PTPRQ: variants seen among roughly 807,000 people sequenced by gnomAD.
PTPRQ encodes the protein protein tyrosine phosphatase receptor type Q.
In PTPRQ, 199 loss-of-function variants were observed where a neutral mutation model predicts 246.0. The ratio of observed to expected loss-of-function variants is 0.81; its 90% CI spans 0.72 to 0.91. PTPRQ has a LOEUF of 0.91. PTPRQ is among the 40% of genes least tolerant of loss of function. The probability of loss-of-function intolerance (pLI) is 0.00; values close to 1 mark genes in which losing one functional copy is unlikely to be tolerated. For missense variants in PTPRQ, 2,624 were observed against 2,528.4 expected, an observed-to-expected ratio of 1.04 and a Z score of -0.81; for synonymous variants, 869 against 853.2, an observed-to-expected ratio of 1.02 and a Z score of -0.32.
chr12:80,549,028 C>G (rs570930614), intron 24 of PTPRQ, among the ~76,000 whole-genome samples: 1 of 152,112 alleles, frequency 6.6e-6, no homozygotes, highest in African/African-American at 2.4e-5. Context: ...TTAGGGGTTT[C>G]CAAGTACTGT....
intron 31 of PTPRQ, among the ~76,000 whole-genome samples, 176 bp downstream of exon 31, chr12:80,619,718 T>C (rs1287368519): frequency 6.6e-6 from 1 of 151,584 alleles, no homozygotes; most frequent in African/African-American, 2.4e-5. Flanking sequence ...AAATAAATTA[T>C]TTATTTATTT....
chr12:80,590,333 C>G (rs1897752125), intron 26 of PTPRQ, among the ~76,000 whole-genome samples: 1 of 152,068 alleles, frequency 6.6e-6, no homozygotes. Flanking sequence ...CCAGACTGGT[C>G]TTTTTCAACC....
intron 26 of PTPRQ, among the ~76,000 whole-genome samples, chr12:80,591,746 A>G (rs1228746443): frequency 6.6e-6 from 1 of 152,190 alleles, no homozygotes; most frequent in Non-Finnish European, 1.5e-5. Context: ...TCAGTAGCCT[A>G]GATCTGGCTT....
At chr12:80,661,957 C>G (rs765554759) in intron 39 of PTPRQ, among the ~76,000 whole-genome samples, 1 of 151,830 alleles carries the variant, frequency 6.6e-6, no homozygotes, top group East Asian at 1.9e-4. Flanking sequence ...ATTTAAGTAG[C>G]CTGCTCTACA....
chr12:80,463,343 C>T (rs570451200), intron 6 of PTPRQ, among the ~76,000 whole-genome samples: 1 of 152,166 alleles, frequency 6.6e-6, no homozygotes, highest in African/African-American at 2.4e-5. Context: ...AATGAACAAA[C>T]CCTCCAAGAA....
intron 17 of PTPRQ, among the ~76,000 whole-genome samples, chr12:80,511,418 T>C (rs2120718353): frequency 6.6e-6 from 1 of 152,278 alleles, no homozygotes; most frequent in South Asian, 2.1e-4. Context: ...TCCTTTTCAT[T>C]ACCCTATTTA....
chr12:80,533,950 T>G, intron 17 of PTPRQ, 65 bp from the exon 18 acceptor site: 1 of 1,219,030 alleles, frequency 8.2e-7, no homozygotes, highest in South Asian at 2.0e-5. Flanking sequence ...TTAATGTTAG[T>G]GTGCTCAAAA....
chr12:80,638,509 T>C (rs1479909208), intron 35 of PTPRQ, among the ~76,000 whole-genome samples: 1 of 152,138 alleles, frequency 6.6e-6, no homozygotes, highest in African/African-American at 2.4e-5. Flanking sequence ...AAAACAAACA[T>C]GGTGCTTGGT....
intron 41 of PTPRQ, 29 bp from the exon 42 acceptor site, chr12:80,670,315 G>T (rs1156768482): frequency 6.5e-7 from 1 of 1,544,522 alleles, no homozygotes; most frequent in East Asian, 2.5e-5. Flanking sequence ...AAATAATTTT[G>T]TCATTCATTA....
At chr12:80,659,247 T>C (rs1386190304) in intron 39 of PTPRQ, among the ~76,000 whole-genome samples, 2 of 152,070 alleles carry the variant, frequency 1.3e-5, no homozygotes, top group African/African-American at 4.8e-5. Context: ...TATCAAATGA[T>C]TGATTCCCTC....
chr12:80,632,538 G>T (rs1040801788), intron 34 of PTPRQ, among the ~76,000 whole-genome samples: 4 of 152,146 alleles, frequency 2.6e-5, no homozygotes, highest in African/African-American at 4.8e-5. Context: ...TTAATGTAAA[G>T]AATTGTTAAC....
chr12:80,481,027 G>C (rs998646033), intron 8 of PTPRQ, among the ~76,000 whole-genome samples: 1 of 152,020 alleles, frequency 6.6e-6, no homozygotes, highest in South Asian at 2.1e-4. Flanking sequence ...CATTTTATGA[G>C]GCCAGCATCA....
intron 26 of PTPRQ, among the ~76,000 whole-genome samples, chr12:80,600,832 A>T (rs1898117914): frequency 6.6e-6 from 1 of 151,770 alleles, no homozygotes; most frequent in Admixed American, 6.6e-5. Flanking sequence ...CATCCTAACA[A>T]AAGAAGACAT....
chr12:80,565,926 A>G (rs1259034200), intron 25 of PTPRQ, among the ~76,000 whole-genome samples: 1 of 152,178 alleles, frequency 6.6e-6, no homozygotes, highest in Admixed American at 6.5e-5. Context: ...AGTTGCAGCC[A>G]CTATGAGATT....
At chr12:80,607,200 C>T (rs1358032127) in intron 27 of PTPRQ, among the ~76,000 whole-genome samples, 1 of 150,830 alleles carries the variant, frequency 6.6e-6, no homozygotes, top group Non-Finnish European at 1.5e-5. Flanking sequence ...TAAAAGAAAT[C>T]TAAGGAACAG....
At chr12:80,541,999 T>C in intron 21 of PTPRQ, 90 bp from the exon 22 acceptor site, 4 of 1,486,960 alleles carry the variant, frequency 2.7e-6, no homozygotes, top group Non-Finnish European at 3.6e-6. Flanking sequence ...AATAATCTGC[T>C]AAGAAAATCA....
chr12:80,513,568 G>T (rs1026033173), intron 17 of PTPRQ, among the ~76,000 whole-genome samples: 1 of 152,130 alleles, frequency 6.6e-6, no homozygotes, highest in Non-Finnish European at 1.5e-5. Context: ...CAACATTTAG[G>T]CGGGAAAACA....
At position 80,586,080 on chromosome 12, in the gene PTPRQ, A is replaced by C. The variant is rs535550008; in HGVS notation, c.4286-2049A>C. On this transcript the variant is annotated intron_variant, in intron 25 of 44. Coordinates refer to ENST00000644991, the MANE Select transcript of PTPRQ (RefSeq NM_001145026.2). ...GACATGAACTCATCATTTTTTATGG[A>C]TGCATAGTATTCCATGGTGTATATG... 1.6e-3 allele frequency among the ~76,000 whole-genome samples: 237 copies of C among 151,864 alleles called. 1 individual carries two copies. Among genetic ancestry groups the C allele is most frequent in the Middle Eastern group, 6.8e-3 (2 of 294 alleles).
chr12:80,566,975 G>A (rs1020036385), intron 25 of PTPRQ, among the ~76,000 whole-genome samples: 46 of 152,154 alleles, frequency 3.0e-4, no homozygotes, highest in African/African-American at 9.7e-4. Context: ...TTTGTATTTA[G>A]GTTGTTATCA....
Sources: gnomAD v4.1 joint callset for allele counts (sites outside exome capture counted in the v4.1 genomes callset) on GRCh38, gnomAD v4.1.1 for gene constraint, MANE v1.5 for transcripts, NCBI Gene and HGNC (gene_info 2026-07-23, HGNC 2026-07-21) for gene names.